ATP5PF: variants seen among roughly 807,000 people sequenced by gnomAD.
ATP5PF encodes the protein ATP synthase peripheral stalk subunit F6, mitochondrial.
Under a neutral mutation model 12.0 loss-of-function variants are expected in ATP5PF, and 7 were observed. The ratio of observed to expected loss-of-function variants is 0.58; its 90% confidence interval spans 0.33 to 1.10. The LOEUF (loss-of-function observed/expected upper bound fraction) is 1.10, where lower values mean the gene tolerates loss of function less well. Ranked by LOEUF, ATP5PF falls within the 50% of genes least tolerant of loss-of-function variation. The pLI is 0.03. For synonymous variants in ATP5PF, 41 were observed against 45.4 expected, an observed-to-expected ratio of 0.90 and a Z score of 0.39; for missense variants, 120 against 127.7, an observed-to-expected ratio of 0.94 and a Z score of 0.29.
At chr21:25,729,908 T>C (rs2034715461) in intron 1 of ATP5PF, 107 bp from the exon 2 acceptor site, 1 of 1,286,730 alleles carries the variant, frequency 7.8e-7, no homozygotes, top group Non-Finnish European at 1.1e-6. Flanking sequence ...TTACATCATA[T>C]CAGATCTCAG....
At chr21:25,734,700 G>T in intron 1 of ATP5PF, 153 bp downstream of exon 1, 1 of 738,698 alleles carries the variant, frequency 1.4e-6, no homozygotes, top group Non-Finnish European at 2.1e-6. Flanking sequence ...AAACGTAGAG[G>T]TCAGCTGTGA....
intron 2 of ATP5PF, among the ~76,000 whole-genome samples, chr21:25,728,911 G>A (rs368406284): frequency 6.6e-6 from 1 of 152,148 alleles, no homozygotes; most frequent in African/African-American, 2.4e-5. Flanking sequence ...GGCCCATCAC[G>A]GTTAATAGCC....
Position 25,725,292 on chromosome 21 carries a change from G to C in ATP5PF, c.223C>G (p.Leu75Val). Residue 75 changes from leucine to valine, a missense_variant, in exon 3 of 4, where the codon CTT becomes GTT. Coordinates refer to ENST00000284971, the MANE Select transcript of ATP5PF (RefSeq NM_001003703.2). ...SEYQQELERE[L>V]FKLKQMFGNA... ...CCAAACATTTGCTTGAGCTTAAAAA[G>C]CTCCCTCTCCAGCTCTTGCTGATAC... 6.2e-7 allele frequency: 1 copy of C among 1,613,178 alleles called. No individual in the cohort carries two copies. The highest frequency in any genetic ancestry group is 1.3e-5 in the African/African-American group (1 of 75,014).
At chr21:25,731,453 C>T (rs183597177) in intron 1 of ATP5PF, among the ~76,000 whole-genome samples, 80 of 151,836 alleles carry the variant, frequency 5.3e-4, no homozygotes, top group African/African-American at 1.7e-3. Flanking sequence ...AGAATGAACA[C>T]GGCTCACTAC....
At chr21:25,724,821 C>T in intron 3 of ATP5PF, 144 bp from the exon 4 acceptor site, 2 of 813,752 alleles carry the variant, frequency 2.5e-6, no homozygotes, top group South Asian at 3.3e-5. Flanking sequence ...TATAGCTAAA[C>T]ATTTATGCAA....
At chr21:25,731,295 A>AT (rs1339294318) in intron 1 of ATP5PF, among the ~76,000 whole-genome samples, 2 of 152,132 alleles carry the variant, frequency 1.3e-5, no homozygotes, top group East Asian at 3.8e-4. Context: ...AGTAGAATAC[A>AT]TTTTTCTCAG....
At chr21:25,734,316 TTA>T in intron 1 of ATP5PF, 2 of 985,978 alleles carry the variant, frequency 2.0e-6, no homozygotes, top group Non-Finnish European at 2.4e-6. Context: ...ATGGTTCTAT[TTA>T]TAGTGATGAC....
rs1180317023 is a variant in ATP5PF at position 25,729,655 on chromosome 21, A to G, written c.140T>C (p.Ile47Thr). 6.2e-7 allele frequency: 1 copy of G among 1,613,166 alleles called. No homozygotes were observed. Among genetic ancestry groups the G allele is most frequent in the Non-Finnish European group, 8.5e-7 (1 of 1,179,508 alleles). ...DPIQKLFVDK[I>T]REYKSKRQTS... ...CTGTCGCTTAGATTTGTATTCTCTA[A>G]TCTTGTCCACAAAGAGTTTCTGTAT... is the stretch of plus-strand genomic sequence containing the variant. The change falls in exon 2 of 4, where the codon ATT (isoleucine) becomes ACT (threonine). Residue 47 changes from isoleucine (I) to threonine (T), a missense_variant. Physicochemically the swap from Ile to Thr is moderately conservative, Grantham distance 89 (BLOSUM62 -1). Coordinates refer to ENST00000284971, the MANE Select transcript of ATP5PF (RefSeq NM_001003703.2).
chr21:25,730,002 G>A (rs1049731120), intron 1 of ATP5PF, among the ~76,000 whole-genome samples: 5 of 152,136 alleles, frequency 3.3e-5, no homozygotes, highest in African/African-American at 1.2e-4. Context: ...CTGGGATAAT[G>A]GAACAGTTAG....
At chr21:25,734,947 G>T, upstream of ATP5PF, 1 of 1,575,686 alleles carries the variant, frequency 6.3e-7, no homozygotes, top group African/African-American at 1.4e-5. Context: ...ACCCGCCATC[G>T]CAATGCATTA....
At chr21:25,734,790 C>T (rs2123466928) in intron 1 of ATP5PF, 63 bp downstream of exon 1, 1 of 1,471,484 alleles carries the variant, frequency 6.8e-7, no homozygotes, top group South Asian at 1.3e-5. Flanking sequence ...GCCCAGGCCT[C>T]GTGAAAAAAC....
At chr21:25,726,160 T>C (rs539041849) in intron 2 of ATP5PF, among the ~76,000 whole-genome samples, 1 of 152,338 alleles carries the variant, frequency 6.6e-6, no homozygotes, top group Non-Finnish European at 1.5e-5. Context: ...TCAATTATTA[T>C]CTACTAATAT....
intron 1 of ATP5PF, among the ~76,000 whole-genome samples, chr21:25,732,657 A>G (rs928821860): frequency 1.3e-5 from 2 of 151,778 alleles, no homozygotes; most frequent in Non-Finnish European, 2.9e-5. Context: ...AAAAAAAAAA[A>G]AAAGAAAGAA....
At position 25,733,448 on chromosome 21, in the gene ATP5PF, AC is replaced by A. The variant is rs770379292; in HGVS notation, c.-8+1404del. On this transcript the variant is annotated intron_variant, in intron 1 of 3. Coordinates refer to ENST00000284971, the MANE Select transcript of ATP5PF (RefSeq NM_001003703.2). ...CGGAGGCTGAGGCAGAAGGGCGTAA[AC>A]CTGGAAAGTGGAGCTTGGAGTGAGC... 5.3e-5 allele frequency among the ~76,000 whole-genome samples: 8 copies of A among 152,104 alleles called. No homozygotes were observed. The East Asian group carries it at 1.4e-3, about 26-fold the overall frequency.
chr21:25,726,600 C>T (rs1001858923), intron 2 of ATP5PF, among the ~76,000 whole-genome samples: 17 of 151,964 alleles, frequency 1.1e-4, no homozygotes, highest in Admixed American at 9.2e-4. Context: ...ATGGGAGGCC[C>T]GGAATGTTAA....
intron 1 of ATP5PF, among the ~76,000 whole-genome samples, chr21:25,731,485 T>G (rs1489182306): frequency 6.6e-6 from 1 of 151,574 alleles, no homozygotes; most frequent in African/African-American, 2.4e-5. Context: ...CCTGGACTCA[T>G]GCAATCCTCC....
rs753434980 is a variant in ATP5PF at position 25,725,353 on chromosome 21, G to A, written c.165-3C>T. The stretch of plus-strand genomic sequence containing the variant: ...CATCAACAGGTCCTCCAGATGTCCT[G>A]TTAAGTAAATGAGCAAACAAAAATT... On this transcript the variant is annotated splice_polypyrimidine_tract_variant and splice_region_variant and intron_variant, in intron 2 of 3. Transcript: ENST00000284971. The A allele has an allele frequency of 6.3e-7, 1 of 1,575,832 alleles. No homozygotes were observed. The highest frequency in any genetic ancestry group is 8.6e-7 in the Non-Finnish European group (1 of 1,168,136).
intron 1 of ATP5PF, among the ~76,000 whole-genome samples, chr21:25,732,985 C>CAAAAAAAAAAAA (rs370858284): frequency 8.4e-5 from 4 of 47,804 alleles, no homozygotes; most frequent in South Asian, 1.5e-3. Context: ...AACTCTGTCT[C>CAAAAAAAAAAAA]AAAAAAAAAA....
Position 25,731,467 on chromosome 21 carries a change from C to T in ATP5PF, c.-7-1666G>A, listed in dbSNP as rs145042748. Among the ~76,000 whole-genome samples the T allele has an allele frequency of 9.2e-3, 1,395 of 151,924 alleles. 21 individuals carry two copies. The highest frequency in any genetic ancestry group is 0.031 in the African/African-American group (1,279 of 41,410). On this transcript the variant is annotated intron_variant, in intron 1 of 3. Transcript: ENST00000284971. The stretch of plus-strand genomic sequence containing the variant: ...CAGAATGAACACGGCTCACTACAGC[C>T]TCAGCCTCCTGGACTCATGCAATCC...
Sources: gnomAD v4.1 joint callset for allele counts (sites outside exome capture counted in the v4.1 genomes callset) on GRCh38, gnomAD v4.1.1 for gene constraint, MANE v1.5 for transcripts, NCBI Gene and HGNC (gene_info 2026-07-23, HGNC 2026-07-21) for gene names.